Variants in FEM1C observed in about 807,000 individuals in gnomAD.
FEM1C encodes the protein fem-1 homolog C, also known as protein fem-1 homolog C.
In FEM1C, 15 loss-of-function variants were observed where a neutral mutation model predicts 37.6. That is an observed-to-expected ratio of 0.40 (90% CI 0.27 to 0.61). The LOEUF (loss-of-function observed/expected upper bound fraction) is 0.61, where lower values mean the gene tolerates loss of function less well. FEM1C is among the 20% of genes least tolerant of loss of function. FEM1C has a pLI of 0.42. For missense variants in FEM1C, 532 were observed against 749.7 expected (o/e 0.71, Z 3.39); for synonymous variants, 287 against 272.8 (o/e 1.05, Z -0.51).
chr5:115,542,358 T>G (rs1296118672), intron 2 of FEM1C, among the ~76,000 whole-genome samples: 1 of 152,210 alleles, frequency 6.6e-6, no homozygotes, highest in Non-Finnish European at 1.5e-5. Context: ...TCTCTTGCTA[T>G]ATTTAATGCA....
At chr5:115,537,093 A>G (rs1296503874) in intron 2 of FEM1C, among the ~76,000 whole-genome samples, 2 of 151,986 alleles carry the variant, frequency 1.3e-5, no homozygotes, top group Non-Finnish European at 2.9e-5. Flanking sequence ...AGGGAGGAAA[A>G]AAAGAAGGAA....
In FEM1C at chr5:115,543,637, A is replaced by G. The variant is rs1189224036; in HGVS notation, c.-144T>C. 2 of 1,434,374 alleles carry G rather than the reference A, an allele frequency of 1.4e-6. No individual in the cohort carries two copies. The highest frequency in any genetic ancestry group is 5.9e-5 in the Admixed American group (2 of 33,772). The allele number at this position is 1,434,374 out of a possible 1,614,324, so 88.9% of individuals were successfully genotyped here. A position where few individuals can be genotyped will look rare whatever the true frequency, so the allele number is the denominator to read the frequency against. Reference sequence around the variant, plus strand: ...GAACGGATACACAACCACGAAGAGTATGTTCCGTCCTACTGCTTTCCAACA... The same window carrying G: ...GAACGGATACACAACCACGAAGAGTGTGTTCCGTCCTACTGCTTTCCAACA... On this transcript the variant is annotated 5_prime_UTR_variant, in exon 2 of 3. Transcript: ENST00000274457.
chr5:115,527,827 C>T (rs540349003), intron 2 of FEM1C, among the ~76,000 whole-genome samples: 1 of 152,008 alleles, frequency 6.6e-6, no homozygotes, highest in South Asian at 2.1e-4. Context: ...ATGGTAAAAC[C>T]TTGTCTCTAC....
At chr5:115,531,993 T>C (rs1237946106) in intron 2 of FEM1C, among the ~76,000 whole-genome samples, 1 of 152,128 alleles carries the variant, frequency 6.6e-6, no homozygotes, top group Non-Finnish European at 1.5e-5. Context: ...TCCACCTCTA[T>C]GCCTCTGTTC....
chr5:115,531,618 A>T (rs1282892217), intron 2 of FEM1C, among the ~76,000 whole-genome samples: 1 of 152,048 alleles, frequency 6.6e-6, no homozygotes, highest in East Asian at 1.9e-4. Flanking sequence ...CTCTGTTGTA[A>T]CCACTAAACT....
chr5:115,540,091 AC>A (rs1418149116), intron 2 of FEM1C, among the ~76,000 whole-genome samples: 1 of 152,058 alleles, frequency 6.6e-6, no homozygotes, highest in Non-Finnish European at 1.5e-5. Flanking sequence ...AATCTTTTCT[AC>A]TTTTTGAATG....
At chr5:115,532,900 G>C (rs1301762421) in intron 2 of FEM1C, among the ~76,000 whole-genome samples, 2 of 152,068 alleles carry the variant, frequency 1.3e-5, no homozygotes. Flanking sequence ...TGATTGGCAA[G>C]GGCTGGGGGC....
In FEM1C at chr5:115,535,883, C is replaced by A. The variant is rs1282710351; in HGVS notation, c.544+7067G>T. 2.7e-5 allele frequency among the ~76,000 whole-genome samples: 4 copies of A among 149,210 alleles called. No homozygotes were observed. In the South Asian group the frequency reaches 8.3e-4, roughly 31 times the overall value. ...TCTATTTCAATGGAATATTATTCTG[C>A]AATAAAAAGAAAAGCACTCATACAT... is the stretch of plus-strand genomic sequence containing the variant. On this transcript the variant is annotated intron_variant, in intron 2 of 2. Transcript: ENST00000274457.
At position 115,523,631 on chromosome 5, in the gene FEM1C, T is replaced by A. The variant is rs551016197; in HGVS notation, c.*677A>T. ...AAAGCTTGAGCTATAATAGCTAACC[T>A]GCAGCTCTAAAAATTGTCATGCTAC... is the stretch of plus-strand genomic sequence containing the variant. On this transcript the variant is annotated 3_prime_UTR_variant, in exon 3 of 3. Coordinates refer to ENST00000274457, the MANE Select transcript of FEM1C (RefSeq NM_020177.3). The A allele has an allele frequency of 6.6e-6, 1 of 152,526 alleles. No homozygotes were observed. Among genetic ancestry groups the A allele is most frequent in the African/African-American group, 2.4e-5 (1 of 41,452 alleles). 9.4% of individuals were successfully genotyped at this position (152,526 alleles called of 1,614,324 possible). A position where few individuals can be genotyped will look rare whatever the true frequency, so the allele number is the denominator to read the frequency against.
chr5:115,525,524 T>C lies in FEM1C; in HGVS notation c.638A>G (p.Tyr213Cys). 6.2e-7 allele frequency: 1 copy of C among 1,613,636 alleles called. No individual in the cohort carries two copies. The highest frequency in any genetic ancestry group is 8.5e-7 in the Non-Finnish European group (1 of 1,179,754). ...MYCAKMEKDGYGMTPLLSASV... is the reference protein window; with the variant it reads ...MYCAKMEKDGCGMTPLLSASV... ...TGCTGAGAGAAGGGGAGTCATTCCA[T>C]AACCATCCTTTTCCATCTTGGCACA... Residue 213 changes from tyrosine to cysteine, a missense_variant, in exon 3 of 3, where the codon TAT (tyrosine) becomes TGT (cysteine). Coordinates refer to ENST00000274457, the MANE Select transcript of FEM1C (RefSeq NM_020177.3).
At position 115,525,221 on chromosome 5, in the gene FEM1C, T is replaced by G. The variant is rs769282944; in HGVS notation, c.941A>C (p.Asp314Ala). 2.5e-6 allele frequency: 4 copies of G among 1,613,510 alleles called. No homozygotes were observed. In the South Asian group the frequency reaches 3.3e-5, roughly 13 times the overall value. The change falls in exon 3 of 3, where the codon GAT (aspartate) becomes GCT (alanine). Residue 314 changes from aspartate to alanine, a missense_variant. This residue lies in a region of FEM1C where 221 missense variants were observed against 404.1 expected (regional missense o/e 0.55). Coordinates refer to ENST00000274457, the MANE Select transcript of FEM1C (RefSeq NM_020177.3). ...SAEELEGLIA[D>A]PDEMRMQALL... ...TGCCTGCATTCTCATCTCATCAGGA[T>G]CAGCAATAAGACCTTCTAGCTCTTC...
At chr5:115,536,619 C>T (rs1435614293) in intron 2 of FEM1C, among the ~76,000 whole-genome samples, 1 of 151,822 alleles carries the variant, frequency 6.6e-6, no homozygotes, top group Non-Finnish European at 1.5e-5. Context: ...AAGAAGGATT[C>T]TCTGCTTAGA....
chr5:115,535,224 T>C (rs2127172711), intron 2 of FEM1C, among the ~76,000 whole-genome samples: 1 of 150,428 alleles, frequency 6.6e-6, no homozygotes, highest in South Asian at 2.1e-4. Context: ...ATAAATTTCC[T>C]TAAAAATCCG....
intron 2 of FEM1C, among the ~76,000 whole-genome samples, chr5:115,527,871 C>T (rs961865581): frequency 1.1e-4 from 16 of 151,678 alleles, no homozygotes; most frequent in Admixed American, 9.9e-4. Context: ...CATGGTGGCA[C>T]GCGCCTGTAG....
chr5:115,524,477 T>C lies in FEM1C; in HGVS notation c.1685A>G (p.Gln562Arg), dbSNP rs144332148. ...AHFDATNLHK[Q>R]TASDLLDEKE... ...CTCATCCAGCAAGTCACTAGCAGTTTGTTTGTGCAAGTTTGTGGCATCAAA... is the reference window on the plus strand; with the variant it reads ...CTCATCCAGCAAGTCACTAGCAGTTCGTTTGTGCAAGTTTGTGGCATCAAA... Residue 562 changes from glutamine (Q) to arginine (R), a missense_variant, in exon 3 of 3, where the codon CAA becomes CGA. Coordinates refer to ENST00000274457, the MANE Select transcript of FEM1C (RefSeq NM_020177.3). 5.0e-6 allele frequency: 8 copies of C among 1,612,818 alleles called. No homozygotes were observed. The highest frequency in any genetic ancestry group is 2.7e-5 in the African/African-American group (2 of 74,846).
chr5:115,525,684 A>T (rs2127169060), intron 2 of FEM1C, 67 bp from the exon 3 acceptor site: 2 of 1,234,952 alleles, frequency 1.6e-6, no homozygotes, highest in Non-Finnish European at 2.2e-6. Context: ...TAATATATAT[A>T]TGCACTTTAG....
intron 2 of FEM1C, among the ~76,000 whole-genome samples, chr5:115,537,858 C>T (rs1754160028): frequency 1.3e-5 from 2 of 152,106 alleles, no homozygotes; most frequent in Non-Finnish European, 2.9e-5. Flanking sequence ...CTAAAGTATA[C>T]TAAAATAACC....
At chr5:115,532,634 G>GTA (rs1156533626) in intron 2 of FEM1C, among the ~76,000 whole-genome samples, 1 of 151,678 alleles carries the variant, frequency 6.6e-6, no homozygotes, top group Non-Finnish European at 1.5e-5. Context: ...GTTATAATCA[G>GTA]TATATATATA....
chr5:115,543,823 C>A, intron 1 of FEM1C, 140 bp from the exon 2 acceptor site: 2 of 1,063,762 alleles, frequency 1.9e-6, no homozygotes, highest in East Asian at 7.4e-5. Context: ...CCCCCCCACC[C>A]CCAAAGAAAA....
Sources: allele counts gnomAD v4.1 joint callset (sites outside exome capture counted in the v4.1 genomes callset), GRCh38; gene constraint gnomAD v4.1.1; regional missense constraint gnomAD v4.1.1; transcripts MANE v1.5; gene names NCBI Gene and HGNC (gene_info 2026-07-23, HGNC 2026-07-21).